The following DPP8 variants were observed in gnomAD, a reference collection of about 807,000 sequenced individuals.
DPP8 encodes dipeptidyl peptidase 8.
DPP8 carries 31 observed loss-of-function variants against 107.5 expected under a neutral mutation model. That is an observed-to-expected ratio of 0.29 (90% CI 0.22 to 0.39). The LOEUF (loss-of-function observed/expected upper bound fraction) is 0.39, where lower values mean the gene tolerates loss of function less well. DPP8 is among the 10% of genes least tolerant of loss of function. The pLI is 1.00. For synonymous variants in DPP8, 381 were observed against 356.6 expected (o/e 1.07, Z -0.77); for missense variants, 842 against 1,076.1 (o/e 0.78, Z 3.04).
In DPP8 at chr15:65,512,654, GT is replaced by G. The variant is rs778449763; in HGVS notation, c.-11-91del. On this transcript the variant is annotated intron_variant, in intron 1 of 19. Coordinates refer to ENST00000300141, the MANE Select transcript of DPP8 (RefSeq NM_130434.5). Reference sequence around the variant, plus strand: ...AGAGGGTCAAAAAAAAAGCGGGGGAGTGGGGAGGGCAAGAAAAAAATGCTTT... The same window carrying G: ...AGAGGGTCAAAAAAAAAGCGGGGGAGGGGGAGGGCAAGAAAAAAATGCTTT... 3.0e-4 allele frequency: 436 copies of G among 1,433,746 alleles called. 1 individual carries two copies. Among genetic ancestry groups the G allele is most frequent in the Non-Finnish European group, 3.7e-4 (390 of 1,051,018 alleles). 88.8% of individuals were successfully genotyped at this position (1,433,746 alleles called of 1,614,324 possible).
At chr15:65,513,812 G>A (rs1046698345) in intron 1 of DPP8, among the ~76,000 whole-genome samples, 7 of 150,944 alleles carry the variant, frequency 4.6e-5, no homozygotes, top group African/African-American at 1.4e-4. Context: ...TAACATGAGC[G>A]AAGTACCAAA....
rs781459910 is a variant in DPP8 at position 65,500,873 on chromosome 15, CTTTTTTTTTTTTT to C, written c.373-107_373-95del. The C allele has an allele frequency of 2.4e-3, 790 of 329,206 alleles. 1 individual carries two copies. The highest frequency in any genetic ancestry group is 3.8e-3 in the Non-Finnish European group (726 of 189,050). The allele number at this position is 329,206 out of a possible 1,614,324, so 20.4% of individuals were successfully genotyped here. ...CCTAGAATCTCCAACATTATTGACTCTTTTTTTTTTTTTTTTTTTTTTGAGACAGAGTTTCACT... is the reference window on the plus strand; with the variant it reads ...CCTAGAATCTCCAACATTATTGACTCTTTTTTTTTGAGACAGAGTTTCACT... On this transcript the variant is annotated intron_variant, in intron 3 of 19. Coordinates refer to ENST00000300141, the MANE Select transcript of DPP8 (RefSeq NM_130434.5).
chr15:65,470,528 C>T (rs1487491985), intron 12 of DPP8, among the ~76,000 whole-genome samples: 1 of 150,282 alleles, frequency 6.7e-6, no homozygotes, highest in African/African-American at 2.5e-5. Context: ...ATTGCTTGAA[C>T]CTGGGAGGCA....
chr15:65,482,941 A>T (rs991797727), intron 8 of DPP8, among the ~76,000 whole-genome samples: 2 of 151,690 alleles, frequency 1.3e-5, no homozygotes, highest in African/African-American at 4.8e-5. Context: ...CTAAAAATAT[A>T]AAAAAATTAG....
At chr15:65,465,926 A>G (rs1414689581) in intron 14 of DPP8, among the ~76,000 whole-genome samples, 1 of 152,126 alleles carries the variant, frequency 6.6e-6, no homozygotes, top group African/African-American at 2.4e-5. Flanking sequence ...CATTCCAGAG[A>G]GAGCAAGTGT....
At chr15:65,501,831 A>C (rs1465762712) in intron 3 of DPP8, among the ~76,000 whole-genome samples, 2 of 152,190 alleles carry the variant, frequency 1.3e-5, no homozygotes, top group Non-Finnish European at 2.9e-5. Context: ...CTTATACCCC[A>C]AAACCTTGCT....
At chr15:65,486,875 C>T (rs2067491968) in intron 7 of DPP8, among the ~76,000 whole-genome samples, 1 of 152,068 alleles carries the variant, frequency 6.6e-6, no homozygotes, top group Admixed American at 6.6e-5. Flanking sequence ...ACATTGGGTA[C>T]AGTGTACACT....
intron 8 of DPP8, 120 bp downstream of exon 8, chr15:65,484,979 T>C: frequency 1.3e-6 from 1 of 761,562 alleles, no homozygotes; most frequent in Non-Finnish European, 2.2e-6. Context: ...AAAATCATGA[T>C]CCACCGATAT....
At chr15:65,479,504 T>G (rs920063052) in intron 10 of DPP8, among the ~76,000 whole-genome samples, 7 of 152,320 alleles carry the variant, frequency 4.6e-5, no homozygotes, top group Non-Finnish European at 1.0e-4. Context: ...ATTTTGTATC[T>G]TATTTAAATT....
intron 5 of DPP8, among the ~76,000 whole-genome samples, chr15:65,496,010 G>A (rs1596065295): frequency 2.7e-5 from 4 of 150,276 alleles, no homozygotes; most frequent in African/African-American, 9.8e-5. Flanking sequence ...TTTAGACGGA[G>A]TGTCCCTCTG....
rs1010171347 is a variant in DPP8 at position 65,512,425 on chromosome 15, A to C, written c.129T>G (p.Ser43Arg). Residue 43 changes from serine to arginine, a missense_variant, in exon 2 of 20, where the codon AGT (serine) becomes AGG (arginine). Physicochemically the swap from Ser to Arg is moderately radical, Grantham distance 110. Transcript: ENST00000300141. Reference protein sequence around the residue: ...EPFYVERYSWSQLKKLLADTR... With the variant: ...EPFYVERYSWRQLKKLLADTR... ...TATCGGCAAGCAGCTTTTTAAGCTG[A>C]CTCCAGGAATACCGCTCAACATAAA... 8 of 1,614,056 alleles carry C rather than the reference A, an allele frequency of 5.0e-6. No individual in the cohort carries two copies. The highest frequency in any genetic ancestry group is 6.8e-6 in the Non-Finnish European group (8 of 1,180,012).
chr15:65,491,162 A>G (rs980679329), intron 5 of DPP8, among the ~76,000 whole-genome samples: 9 of 98,438 alleles, frequency 9.1e-5, no homozygotes, highest in Non-Finnish European at 1.7e-4. Context: ...CTCCGTCTCA[A>G]AAAAAAAAAA....
In DPP8 at chr15:65,516,085, C is replaced by T. The variant is rs1567313900; in HGVS notation, c.-12+1401G>A. 6 of 332,736 alleles carry T rather than the reference C, an allele frequency of 1.8e-5. No individual in the cohort carries two copies. The Admixed American group carries it at 1.9e-4, about 11-fold the overall frequency. 20.6% of individuals were successfully genotyped at this position (332,736 alleles called of 1,614,324 possible). A position where few individuals can be genotyped will look rare whatever the true frequency, so the allele number is the denominator to read the frequency against. ...AAAGGCTTTAAAAAGTTACAAAAGG[C>T]ATACAGATGTGAAGTTACTCAGTGA... On this transcript the variant is annotated intron_variant, in intron 1 of 19. Coordinates refer to ENST00000300141, the MANE Select transcript of DPP8 (RefSeq NM_130434.5).
At chr15:65,475,108 T>G (rs1351577225) in intron 11 of DPP8, among the ~76,000 whole-genome samples, 3 of 152,160 alleles carry the variant, frequency 2.0e-5, no homozygotes, top group African/African-American at 7.2e-5. Flanking sequence ...ATAAAGTCAG[T>G]GTTAAAGGTG....
At chr15:65,475,396 G>A (rs1208757449) in intron 11 of DPP8, 5 of 1,551,770 alleles carry the variant, frequency 3.2e-6, no homozygotes, top group Non-Finnish European at 4.4e-6. Context: ...TGGCCACTGT[G>A]AGGGGTACAG....
intron 17 of DPP8, among the ~76,000 whole-genome samples, chr15:65,452,879 C>T (rs1000776363): frequency 1.3e-5 from 2 of 151,842 alleles, no homozygotes; most frequent in African/African-American, 4.8e-5. Flanking sequence ...GGCTGAAGCA[C>T]GAGAATCGCT....
intron 2 of DPP8, among the ~76,000 whole-genome samples, chr15:65,509,656 A>G (rs1274087361): frequency 2.6e-5 from 4 of 152,218 alleles, no homozygotes; most frequent in African/African-American, 9.6e-5. Flanking sequence ...TTGTTACTAA[A>G]TAATAGAGCT....
At position 65,494,149 on chromosome 15, in the gene DPP8, C is replaced by CTTT. The variant is rs542314824; in HGVS notation, c.715+3712_715+3714dup. On this transcript the variant is annotated intron_variant, in intron 5 of 19. Transcript: ENST00000300141. ...TTGAAATTCAAACCGGTTCTATATC[C>CTTT]TTTTTTTTTTTTTTAGAGACAGGGT... Among the ~76,000 whole-genome samples, 5 of 123,256 alleles carry CTTT rather than the reference C, an allele frequency of 4.1e-5. 1 individual carries two copies. In the East Asian group the frequency reaches 6.7e-4, roughly 17 times the overall value. The allele number at this position is 123,256 out of a possible 152,430, so 80.9% of individuals were successfully genotyped here. A position where few individuals can be genotyped will look rare whatever the true frequency, so the allele number is the denominator to read the frequency against.
intron 19 of DPP8, among the ~76,000 whole-genome samples, chr15:65,448,443 C>T (rs1410726862): frequency 1.3e-5 from 2 of 151,446 alleles, no homozygotes; most frequent in Non-Finnish European, 2.9e-5. Flanking sequence ...GAGGCTGACA[C>T]GTACAGATAA....
Sources: gnomAD v4.1 joint callset for allele counts (sites outside exome capture counted in the v4.1 genomes callset) on GRCh38, gnomAD v4.1.1 for gene constraint, MANE v1.5 for transcripts, NCBI Gene and HGNC (gene_info 2026-07-23, HGNC 2026-07-21) for gene names.